XRCC4: variants seen among roughly 807,000 people sequenced by gnomAD.
XRCC4 encodes the protein DNA repair protein XRCC4.
XRCC4 carries 28 observed loss-of-function variants against 39.1 expected under a neutral mutation model. That is an observed-to-expected ratio of 0.72 (90% CI 0.53 to 0.98). The LOEUF (loss-of-function observed/expected upper bound fraction) is 0.98. Ranked by LOEUF, XRCC4 falls within the 50% of genes least tolerant of loss-of-function variation. The probability of loss-of-function intolerance (pLI) is 0.00; values close to 1 mark genes in which losing one functional copy is unlikely to be tolerated. For synonymous variants in XRCC4, 123 were observed against 126.4 expected (o/e 0.97, Z 0.18); for missense variants, 350 against 376.4 (o/e 0.93, Z 0.58).
chr5:83,086,915 A>T (rs1262924709), intron 1 of XRCC4, among the ~76,000 whole-genome samples: 1 of 152,152 alleles, frequency 6.6e-6, no homozygotes, highest in African/African-American at 2.4e-5. Context: ...ATGCCTAACC[A>T]TGATCTTTAT....
intron 1 of XRCC4, among the ~76,000 whole-genome samples, chr5:83,086,456 GAA>G (rs1421444145): frequency 6.6e-6 from 1 of 152,146 alleles, no homozygotes; most frequent in Non-Finnish European, 1.5e-5. Flanking sequence ...ATGTTATTAA[GAA>G]AATCATAATG....
intron 1 of XRCC4, among the ~76,000 whole-genome samples, chr5:83,083,689 G>A (rs1053090662): frequency 5.9e-5 from 9 of 152,038 alleles, no homozygotes; most frequent in East Asian, 1.9e-4. Context: ...ATGAGCCACC[G>A]CATTTGACCA....
chr5:83,143,779 TAA>T (rs1476601812), intron 3 of XRCC4, among the ~76,000 whole-genome samples: 1 of 152,156 alleles, frequency 6.6e-6, no homozygotes, highest in East Asian at 1.9e-4. Context: ...TTTTTTCTGA[TAA>T]GTTAGCATTC....
At chr5:83,300,170 AAAGT>A (rs1755228791) in intron 7 of XRCC4, among the ~76,000 whole-genome samples, 1 of 152,196 alleles carries the variant, frequency 6.6e-6, no homozygotes, top group African/African-American at 2.4e-5. Context: ...TTTTGGTTAC[AAAGT>A]GAGTCAGTAG....
intron 1 of XRCC4, among the ~76,000 whole-genome samples, chr5:83,096,258 A>G (rs1745672173): frequency 6.6e-6 from 1 of 152,136 alleles, no homozygotes; most frequent in Non-Finnish European, 1.5e-5. Context: ...CCAGTGGCTC[A>G]GATGGGTAAG....
At chr5:83,348,600 T>C (rs1048090230) in intron 7 of XRCC4, among the ~76,000 whole-genome samples, 1 of 152,180 alleles carries the variant, frequency 6.6e-6, no homozygotes, top group African/African-American at 2.4e-5. Context: ...TCTGCCCTCC[T>C]AGGCCTCCTG....
intron 6 of XRCC4, among the ~76,000 whole-genome samples, chr5:83,243,359 A>C (rs573477773): frequency 6.6e-6 from 1 of 152,188 alleles, no homozygotes; most frequent in African/African-American, 2.4e-5. Context: ...GAAGTGGAAG[A>C]TGAAGATGTT....
chr5:83,299,335 G>A (rs1377342312), intron 7 of XRCC4, among the ~76,000 whole-genome samples: 1 of 152,006 alleles, frequency 6.6e-6, no homozygotes, highest in African/African-American at 2.4e-5. Flanking sequence ...TTGCTCTTAT[G>A]TCTTTGGTGT....
intron 7 of XRCC4, among the ~76,000 whole-genome samples, chr5:83,277,642 A>T (rs1005679579): frequency 6.6e-6 from 1 of 152,230 alleles, no homozygotes; most frequent in Non-Finnish European, 1.5e-5. Context: ...CTATAAAACA[A>T]CATCGGTTGA....
In XRCC4 at chr5:83,133,780, G is replaced by A. The variant is rs565693610; in HGVS notation, c.315+22577G>A. ...GGGAGTGTCCTGATTTTCCAGTTGA[G>A]AGGTGACAACATGCAAGCAGCCCTT... On this transcript the variant is annotated intron_variant, in intron 3 of 7. Transcript: ENST00000396027. 1.0e-4 allele frequency among the ~76,000 whole-genome samples: 15 copies of A among 148,144 alleles called. 1 individual carries two copies. In the South Asian group the frequency reaches 3.3e-3, roughly 32 times the overall value.
chr5:83,260,472 C>T (rs1307141298), intron 7 of XRCC4, among the ~76,000 whole-genome samples: 1 of 152,012 alleles, frequency 6.6e-6, no homozygotes, highest in Non-Finnish European at 1.5e-5. Context: ...CTGATAATGA[C>T]TTAATGGTTT....
downstream of XRCC4, among the ~76,000 whole-genome samples, chr5:83,354,439 G>C: frequency 6.6e-6 from 1 of 152,052 alleles, no homozygotes; most frequent in East Asian, 1.9e-4. Context: ...AAATTACGTA[G>C]TTTTCTTTGT....
At chr5:83,222,928 TG>T (rs2112793001) in intron 6 of XRCC4, among the ~76,000 whole-genome samples, 1 of 152,080 alleles carries the variant, frequency 6.6e-6, no homozygotes, top group East Asian at 1.9e-4. Context: ...TTGTAGTTTT[TG>T]TAGAGATGAG....
intron 6 of XRCC4, among the ~76,000 whole-genome samples, chr5:83,217,183 G>A (rs904072613): frequency 4.6e-5 from 7 of 151,688 alleles, no homozygotes; most frequent in Admixed American, 2.6e-4. Flanking sequence ...GTGAAACCCC[G>A]TCTCTACTAA....
chr5:83,083,883 A>G lies in XRCC4; in HGVS notation c.-11+6268A>G, dbSNP rs1315455294. On this transcript the variant is annotated intron_variant, in intron 1 of 7. Transcript: ENST00000396027. The stretch of plus-strand genomic sequence containing the variant: ...TGACCATTTCTCTTTAAAGATTCGT[A>G]TAATATTAGATGTAACTCAAGGAAG... 2.6e-5 allele frequency among the ~76,000 whole-genome samples: 4 copies of G among 152,250 alleles called. No homozygotes were observed. The East Asian group carries it at 5.8e-4, about 22-fold the overall frequency.
chr5:83,323,028 A>G (rs557604889), intron 7 of XRCC4, among the ~76,000 whole-genome samples: 93 of 152,214 alleles, frequency 6.1e-4, no homozygotes, highest in Non-Finnish European at 7.4e-4. Flanking sequence ...CAAGAGCCCT[A>G]TTCGAAGTAT....
At chr5:83,121,707 T>G (rs553931821) in intron 3 of XRCC4, among the ~76,000 whole-genome samples, 2 of 152,300 alleles carry the variant, frequency 1.3e-5, no homozygotes, top group Admixed American at 1.3e-4. Context: ...ATTTCTTAAC[T>G]TTGAGGAACT....
intron 7 of XRCC4, among the ~76,000 whole-genome samples, chr5:83,335,787 A>G (rs1051753692): frequency 1.3e-5 from 2 of 152,074 alleles, no homozygotes; most frequent in Admixed American, 1.3e-4. Flanking sequence ...TCATAGACTA[A>G]GTAGTCTTTA....
chr5:83,229,570 T>G (rs564551609), intron 6 of XRCC4, among the ~76,000 whole-genome samples: 91 of 150,406 alleles, frequency 6.1e-4, no homozygotes, highest in Non-Finnish European at 1.1e-3. Context: ...TGAGTAGAAA[T>G]AGGAAGATAA....
Sources: gnomAD v4.1 joint callset for allele counts (sites outside exome capture counted in the v4.1 genomes callset) on GRCh38, gnomAD v4.1.1 for gene constraint, MANE v1.5 for transcripts, NCBI Gene and HGNC (gene_info 2026-07-23, HGNC 2026-07-21) for gene names.